CASP9: variants seen among roughly 807,000 people sequenced by gnomAD.
CASP9 encodes caspase 9, also known as caspase-9.
A neutral mutation model predicts 43.5 loss-of-function variants in CASP9; 29 were observed. The observed-to-expected ratio is 0.67, with a 90% CI of 0.50 to 0.91. The LOEUF (loss-of-function observed/expected upper bound fraction) is 0.91, where lower values mean the gene tolerates loss of function less well. Ranked by LOEUF, CASP9 falls within the 40% of genes least tolerant of loss-of-function variation. CASP9 has a pLI of 0.00. For synonymous variants in CASP9, 206 were observed against 211.9 expected (o/e 0.97, Z 0.24); for missense variants, 575 against 537.4 (o/e 1.07, Z -0.69).
chr1:15,524,785 GCA>G, upstream of CASP9: 1 of 992,916 alleles, frequency 1.0e-6, no homozygotes, highest in Non-Finnish European at 1.2e-6. Context: ...TCCCCGGGAC[GCA>G]TCTAGAAGGT....
chr1:15,502,386 G>A (rs540594763), intron 6 of CASP9, among the ~76,000 whole-genome samples: 7 of 152,174 alleles, frequency 4.6e-5, no homozygotes, highest in Non-Finnish European at 7.4e-5. Flanking sequence ...TTTGGGAGGC[G>A]GAGGTGGGAG....
upstream of CASP9, chr1:15,524,502 A>AACC: frequency 2.0e-6 from 1 of 509,658 alleles, no homozygotes; most frequent in Non-Finnish European, 2.5e-6. Context: ...CCGCCCCAGA[A>AACC]CCCGCCCCAC....
chr1:15,507,027 T>G lies in CASP9; in HGVS notation c.502A>C (p.Asn168His), dbSNP rs1269363924. ...CCGGACTCACGGCAGAAGTTCACAT[T>G]GTTGATAATGAGGCAGTGGCCACAG... The part of the protein sequence containing the change: ...EPCGHCLIIN[N>H]VNFCRESGLR... Residue 168 changes from asparagine (N) to histidine (H), a missense_variant, in exon 4 of 9, where the codon AAT (asparagine) becomes CAT (histidine). Coordinates refer to ENST00000333868, the MANE Select transcript of CASP9 (RefSeq NM_001229.5). The G allele has an allele frequency of 6.2e-7, 1 of 1,614,150 alleles. No individual in the cohort carries two copies.
At chr1:15,519,076 C>T (rs1382590507) in intron 1 of CASP9, among the ~76,000 whole-genome samples, 3 of 150,896 alleles carry the variant, frequency 2.0e-5, no homozygotes, top group Non-Finnish European at 4.4e-5. Context: ...CAGGGTTTCA[C>T]CATGTTGCCC....
intron 6 of CASP9, among the ~76,000 whole-genome samples, chr1:15,501,700 G>A (rs1709337225): frequency 6.6e-6 from 1 of 152,184 alleles, no homozygotes; most frequent in South Asian, 2.1e-4. Context: ...AAATCTTGCT[G>A]TTTTCTGTGA....
Position 15,492,876 on chromosome 1 carries a change from G to A in CASP9, c.*67C>T. On this transcript the variant is annotated 3_prime_UTR_variant, in exon 9 of 9. Coordinates refer to ENST00000333868, the MANE Select transcript of CASP9 (RefSeq NM_001229.5). Reference sequence around the variant, plus strand: ...GAGTTGCAGGAAAGTCCAGGCCTCAGCCTCTTTCAGGCCTGGGGCAGGAAA... The same window carrying A: ...GAGTTGCAGGAAAGTCCAGGCCTCAACCTCTTTCAGGCCTGGGGCAGGAAA... 6.3e-7 allele frequency: 1 copy of A among 1,596,446 alleles called. No homozygotes were observed. The highest frequency in any genetic ancestry group is 8.5e-7 in the Non-Finnish European group (1 of 1,175,246).
intron 6 of CASP9, among the ~76,000 whole-genome samples, chr1:15,503,816 A>G (rs1294566440): frequency 6.6e-6 from 1 of 152,162 alleles, no homozygotes; most frequent in East Asian, 1.9e-4. Flanking sequence ...GTCCGTGGAG[A>G]GCCTAGGGCA....
At chr1:15,501,855 T>C (rs571612254) in intron 6 of CASP9, among the ~76,000 whole-genome samples, 1 of 152,232 alleles carries the variant, frequency 6.6e-6, no homozygotes, top group South Asian at 2.1e-4. Flanking sequence ...CACTGTAGCC[T>C]CGACCTCCAG....
chr1:15,523,978 C>G (rs1710324303), intron 1 of CASP9, 91 bp downstream of exon 1: 1 of 991,930 alleles, frequency 1.0e-6, no homozygotes, highest in Non-Finnish European at 1.4e-6. Flanking sequence ...GGGTTTGAAG[C>G]CACAGGGAAG....
intron 1 of CASP9, among the ~76,000 whole-genome samples, chr1:15,521,444 T>TCCAC (rs1347476608): frequency 6.6e-6 from 1 of 152,184 alleles, no homozygotes; most frequent in African/African-American, 2.4e-5. Flanking sequence ...TTGCCCACTT[T>TCCAC]CATGTTCCTC....
At chr1:15,495,242 C>T in intron 7 of CASP9, 31 bp downstream of exon 7, 1 of 1,591,872 alleles carries the variant, frequency 6.3e-7, no homozygotes, top group South Asian at 1.1e-5. Context: ...GACCCACTGG[C>T]TGCGAGGACG....
At chr1:15,516,650 T>C (rs2103370984) in intron 2 of CASP9, among the ~76,000 whole-genome samples, 1 of 152,260 alleles carries the variant, frequency 6.6e-6, no homozygotes, top group Non-Finnish European at 1.5e-5. Flanking sequence ...TAAAATGACA[T>C]ATTTTTGAAG....
Position 15,492,882 on chromosome 1 carries a change from T to C in CASP9, c.*61A>G. 1 of 1,601,164 alleles carries C rather than the reference T, an allele frequency of 6.2e-7. No individual in the cohort carries two copies. Among genetic ancestry groups the C allele is most frequent in the Admixed American group, 1.7e-5 (1 of 58,524 alleles). On this transcript the variant is annotated 3_prime_UTR_variant, in exon 9 of 9. Transcript: ENST00000333868. ...CAGGAAAGTCCAGGCCTCAGCCTCTTTCAGGCCTGGGGCAGGAAAGCTTTG... is the reference window on the plus strand; with the variant it reads ...CAGGAAAGTCCAGGCCTCAGCCTCTCTCAGGCCTGGGGCAGGAAAGCTTTG...
chr1:15,524,146 C>G lies in CASP9; in HGVS notation c.55G>C (p.Glu19Gln). Residue 19 changes from glutamate (E) to glutamine (Q), a missense_variant, in exon 1 of 9, where the codon GAG becomes CAG. Physicochemically the swap from Glu to Gln is conservative, Grantham distance 29. Transcript: ENST00000333868. ...LRRCRLRLVE[E>Q]LQVDQLWDAL... ...TCCCAGAGCTGGTCCACCTGCAGCT[C>G]TTCCACCAGCCGCAGCCGGCACCGC... 6.5e-7 allele frequency: 1 copy of G among 1,540,542 alleles called. No individual in the cohort carries two copies. Among genetic ancestry groups the G allele is most frequent in the Non-Finnish European group, 8.7e-7 (1 of 1,147,384 alleles).
chr1:15,516,800 G>A (rs552871205), intron 2 of CASP9, among the ~76,000 whole-genome samples: 10 of 152,304 alleles, frequency 6.6e-5, no homozygotes, highest in East Asian at 3.9e-4. Context: ...AGCATGAGTC[G>A]GATCAATGAG....
chr1:15,503,385 T>C (rs1408924530), intron 6 of CASP9, among the ~76,000 whole-genome samples: 1 of 152,192 alleles, frequency 6.6e-6, no homozygotes, highest in Non-Finnish European at 1.5e-5. Flanking sequence ...GGCTGTGTGA[T>C]AGATAGGTCA....
intron 5 of CASP9, among the ~76,000 whole-genome samples, chr1:15,505,225 T>C (rs1275120486): frequency 2.0e-5 from 3 of 152,068 alleles, no homozygotes; most frequent in African/African-American, 7.2e-5. Flanking sequence ...CCTGGAAACC[T>C]TGTTGCTGGG....
At chr1:15,504,256 G>A (rs1709433649) in intron 6 of CASP9, among the ~76,000 whole-genome samples, 1 of 152,214 alleles carries the variant, frequency 6.6e-6, no homozygotes, top group Admixed American at 6.5e-5. Context: ...CTGGGATAGT[G>A]GAAACGGGGT....
chr1:15,500,223 G>C (rs1276626397), intron 6 of CASP9, among the ~76,000 whole-genome samples: 5 of 152,154 alleles, frequency 3.3e-5, no homozygotes, highest in South Asian at 2.1e-4. Flanking sequence ...TGATCCAGAG[G>C]GTCCCCTGCA....
Sources: gnomAD v4.1 joint callset for allele counts (sites outside exome capture counted in the v4.1 genomes callset) on GRCh38, gnomAD v4.1.1 for gene constraint, MANE v1.5 for transcripts, NCBI Gene and HGNC (gene_info 2026-07-23, HGNC 2026-07-21) for gene names.